SNX29: variants seen among roughly 807,000 people sequenced by gnomAD.
SNX29 encodes the protein sorting nexin 29.
Under a neutral mutation model 102.1 loss-of-function variants are expected in SNX29, and 78 were observed. The ratio of observed to expected loss-of-function variants is 0.76; its 90% CI spans 0.64 to 0.92. SNX29 has a LOEUF of 0.92. Ranked by LOEUF, SNX29 falls within the 40% of genes least tolerant of loss-of-function variation. The probability of loss-of-function intolerance (pLI) is 0.00; values close to 1 mark genes in which losing one functional copy is unlikely to be tolerated. For synonymous variants in SNX29, 580 were observed against 414.5 expected, an observed-to-expected ratio of 1.40 and a Z score of -4.85; for missense variants, 1,280 against 1,061.7, an observed-to-expected ratio of 1.21 and a Z score of -2.86.
chr16:12,538,861 C>T (rs11075090), intron 20 of SNX29, among the ~76,000 whole-genome samples: 63 of 151,988 alleles, frequency 4.1e-4, no homozygotes, highest in East Asian at 1.4e-3. Context: ...GCACAGAGAA[C>T]GGTAGATGGG....
intron 19 of SNX29, among the ~76,000 whole-genome samples, chr16:12,508,377 T>A (rs1326595161): frequency 6.6e-6 from 1 of 152,254 alleles, no homozygotes; most frequent in Non-Finnish European, 1.5e-5. Flanking sequence ...CTCGATGAAC[T>A]GTAGCAGCGG....
At chr16:12,448,501 G>A (rs1457339067) in intron 18 of SNX29, among the ~76,000 whole-genome samples, 1 of 149,898 alleles carries the variant, frequency 6.7e-6, no homozygotes, top group Non-Finnish European at 1.5e-5. Context: ...CCAAGTCAGT[G>A]ATCCTGTTTG....
intron 14 of SNX29, among the ~76,000 whole-genome samples, chr16:12,200,888 G>A (rs2076898902): frequency 1.3e-5 from 2 of 152,146 alleles, no homozygotes. Flanking sequence ...CATCACACCA[G>A]TGTCATGAGA....
intron 14 of SNX29, among the ~76,000 whole-genome samples, chr16:12,212,811 C>A (rs1469633262): frequency 6.6e-6 from 1 of 152,122 alleles, no homozygotes; most frequent in Non-Finnish European, 1.5e-5. Context: ...ATACATCATA[C>A]AATACTACTC....
chr16:12,375,519 C>G (rs930996649), intron 16 of SNX29: 4 of 152,214 alleles, frequency 2.6e-5, no homozygotes, highest in Non-Finnish European at 5.9e-5. Context: ...CCTCAGGGCT[C>G]TCCTAGGGAA....
At chr16:12,519,885 G>A (rs2090028206) in intron 19 of SNX29, among the ~76,000 whole-genome samples, 2 of 152,124 alleles carry the variant, frequency 1.3e-5, no homozygotes, top group Admixed American at 1.3e-4. Flanking sequence ...GTGTGCCCCT[G>A]TAGTCCCAGC....
chr16:12,545,864 G>C (rs941783813), intron 20 of SNX29, among the ~76,000 whole-genome samples: 1 of 152,152 alleles, frequency 6.6e-6, no homozygotes, highest in Non-Finnish European at 1.5e-5. Flanking sequence ...CCTTGAGAGG[G>C]TGAGCCTAAG....
chr16:12,269,550 G>A (rs952363008), intron 14 of SNX29, among the ~76,000 whole-genome samples: 3 of 152,144 alleles, frequency 2.0e-5, no homozygotes, highest in East Asian at 1.9e-4. Flanking sequence ...GAAGTATCCA[G>A]CCATGTAGAT....
chr16:12,552,319 T>G (rs963118079), intron 20 of SNX29, among the ~76,000 whole-genome samples: 1 of 152,166 alleles, frequency 6.6e-6, no homozygotes, highest in African/African-American at 2.4e-5. Context: ...GAGGTGATAA[T>G]GGAACTCCTC....
rs1567191655 is a variant in SNX29 at position 12,555,778 on chromosome 16, GCACCAGGCAGGCA to G, written c.2319-12724_2319-12712del. 2.0e-5 allele frequency among the ~76,000 whole-genome samples: 3 copies of G among 152,096 alleles called. 1 individual carries two copies. Among genetic ancestry groups the G allele is most frequent in the African/African-American group, 7.2e-5 (3 of 41,392 alleles). Reference sequence around the variant, plus strand: ...CAACTAGCCTTCAGGCTGCTCAGTGGCACCAGGCAGGCACACTCCTGCCTGCCTCTGCAAGAAA... The same window carrying G: ...CAACTAGCCTTCAGGCTGCTCAGTGGCACTCCTGCCTGCCTCTGCAAGAAA... On this transcript the variant is annotated intron_variant, in intron 20 of 20. Transcript: ENST00000566228.
chr16:12,313,021 GT>G (rs35304053), intron 15 of SNX29, among the ~76,000 whole-genome samples: 81 of 145,836 alleles, frequency 5.6e-4, no homozygotes, highest in African/African-American at 1.4e-3. Context: ...TTTGTTTTCT[GT>G]TTTTTTTTTT....
At chr16:12,119,954 C>T (rs2053902691) in intron 11 of SNX29, among the ~76,000 whole-genome samples, 1 of 152,234 alleles carries the variant, frequency 6.6e-6, no homozygotes, top group African/African-American at 2.4e-5. Context: ...GTGGTAACCA[C>T]TGGCCATCTG....
At chr16:12,225,459 G>T (rs771298047) in intron 14 of SNX29, among the ~76,000 whole-genome samples, 1 of 152,116 alleles carries the variant, frequency 6.6e-6, no homozygotes, top group Non-Finnish European at 1.5e-5. Context: ...TTAAAAACGG[G>T]ACTTTCCCTG....
At chr16:12,547,731 G>C (rs993246758) in intron 20 of SNX29, among the ~76,000 whole-genome samples, 8 of 152,204 alleles carry the variant, frequency 5.3e-5, no homozygotes, top group African/African-American at 1.9e-4. Context: ...ACCCATCACT[G>C]CCCCTCTAAG....
chr16:12,139,939 C>G lies in SNX29; in HGVS notation c.1595+10181C>G, dbSNP rs568257452. The stretch of plus-strand genomic sequence containing the variant: ...AAGGCTGCAGTGAGCTGAGATTGTA[C>G]CACTGTACTCCAGCCTGGGAGACAG... On this transcript the variant is annotated intron_variant, in intron 13 of 20. Coordinates refer to ENST00000566228, the MANE Select transcript of SNX29 (RefSeq NM_032167.5). Among the ~76,000 whole-genome samples the G allele has an allele frequency of 1.1e-4, 15 of 134,486 alleles. No individual in the cohort carries two copies. In the South Asian group the frequency reaches 3.6e-3, roughly 32 times the overall value. The allele number at this position is 134,486 out of a possible 152,430, so 88.2% of individuals were successfully genotyped here.
chr16:12,539,957 A>G (rs1048042176), intron 20 of SNX29, among the ~76,000 whole-genome samples: 1 of 152,220 alleles, frequency 6.6e-6, no homozygotes, highest in Admixed American at 6.5e-5. Flanking sequence ...TTTGTCGAAC[A>G]TGTGAGTTGC....
rs78708498 is a variant in SNX29 at position 12,496,093 on chromosome 16, C to T, written c.2178+18234C>T. On this transcript the variant is annotated intron_variant, in intron 19 of 20. Coordinates refer to ENST00000566228, the MANE Select transcript of SNX29 (RefSeq NM_032167.5). Reference sequence around the variant, plus strand: ...TCAGTGAGCGCAGAGGTACTGAGAACTGAGAGGGGAATCAGCAGACATGGA... The same window carrying T: ...TCAGTGAGCGCAGAGGTACTGAGAATTGAGAGGGGAATCAGCAGACATGGA... Among the ~76,000 whole-genome samples, 5 of 152,026 alleles carry T rather than the reference C, an allele frequency of 3.3e-5. No homozygotes were observed. The East Asian group carries it at 9.6e-4, about 29-fold the overall frequency.
chr16:12,485,436 C>G (rs2088180440), intron 19 of SNX29, among the ~76,000 whole-genome samples: 1 of 152,210 alleles, frequency 6.6e-6, no homozygotes, highest in African/African-American at 2.4e-5. Flanking sequence ...ATCACTTTCC[C>G]TGGAGCCACA....
At chr16:12,548,174 C>G (rs1478147495) in intron 20 of SNX29, among the ~76,000 whole-genome samples, 3 of 152,202 alleles carry the variant, frequency 2.0e-5, no homozygotes, top group African/African-American at 7.2e-5. Context: ...CACACATTTG[C>G]TCTCTTGCTC....
Sources: gnomAD v4.1 joint callset for allele counts (sites outside exome capture counted in the v4.1 genomes callset) on GRCh38, gnomAD v4.1.1 for gene constraint, MANE v1.5 for transcripts, NCBI Gene and HGNC (gene_info 2026-07-23, HGNC 2026-07-21) for gene names.